Variants in BIN3 observed in about 807,000 individuals in gnomAD.
The protein encoded by BIN3 is bridging integrator 3.
BIN3 carries 41 observed loss-of-function variants against 38.2 expected under a neutral mutation model. The observed-to-expected ratio is 1.07, with a 90% CI of 0.84 to 1.39. The LOEUF is 1.39. Among genes scored for constraint, BIN3 ranks in the 40% most tolerant of loss-of-function variants. BIN3 has a pLI of 0.00. For missense variants in BIN3, 361 were observed against 324.3 expected, an observed-to-expected ratio of 1.11 and a Z score of -0.87; for synonymous variants, 145 against 122.6, an observed-to-expected ratio of 1.18 and a Z score of -1.21.
intron 2 of BIN3, chr8:22,644,485 A>C (rs571315047): frequency 2.3e-6 from 1 of 442,270 alleles, no homozygotes; most frequent in African/African-American, 2.0e-5. Context: ...TTCTAAAGCA[A>C]TATCTTCCTC....
At chr8:22,659,671 A>G (rs953162371) in intron 1 of BIN3, among the ~76,000 whole-genome samples, 1 of 152,170 alleles carries the variant, frequency 6.6e-6, no homozygotes, top group African/African-American at 2.4e-5. Flanking sequence ...AGATCAGGGG[A>G]TGGGCCCTGG....
chr8:22,636,909 G>C lies in BIN3; in HGVS notation c.98+13C>G, dbSNP rs368931221. 5.5e-4 allele frequency: 885 copies of C among 1,611,180 alleles called. No homozygotes were observed. Among genetic ancestry groups the C allele is most frequent in the Non-Finnish European group, 6.9e-4 (807 of 1,177,402 alleles). On this transcript the variant is annotated intron_variant, in intron 3 of 8. Transcript: ENST00000276416. ...CCTGCCTCCCACCTCATCTTTCTGGGGTTGACACTCACTGCTGAAGTTTTC... is the reference window on the plus strand; with the variant it reads ...CCTGCCTCCCACCTCATCTTTCTGGCGTTGACACTCACTGCTGAAGTTTTC...
intron 6 of BIN3, among the ~76,000 whole-genome samples, chr8:22,627,700 C>G (rs1353219558): frequency 7.9e-5 from 12 of 152,226 alleles, no homozygotes; most frequent in Admixed American, 7.8e-4. Flanking sequence ...CCTCCTCTCC[C>G]ACTCCTAGGT....
intron 4 of BIN3, among the ~76,000 whole-genome samples, chr8:22,633,505 C>A (rs1483224722): frequency 6.6e-6 from 1 of 152,194 alleles, no homozygotes; most frequent in Non-Finnish European, 1.5e-5. Context: ...CCTGATGCGG[C>A]CTCTGGAATG....
At chr8:22,656,228 T>TG (rs1480572382) in intron 1 of BIN3, among the ~76,000 whole-genome samples, 4 of 151,520 alleles carry the variant, frequency 2.6e-5, no homozygotes, top group African/African-American at 7.3e-5. Flanking sequence ...TAAGGGTTTT[T>TG]TTTTTTTTTT....
At position 22,669,005 on chromosome 8, in the gene BIN3, C is replaced by T. The variant is rs1209077995; in HGVS notation, c.8+39G>A. The T allele has an allele frequency of 3.2e-6, 5 of 1,564,286 alleles. No homozygotes were observed. The African/African-American group carries it at 4.1e-5, about 13-fold the overall frequency. On this transcript the variant is annotated intron_variant, in intron 1 of 8. Transcript: ENST00000276416. Reference sequence around the variant, plus strand: ...CACAGGGCCAGGGGCCTCGCGGGTCCGCGGGTCCAGCAGCTCCCGCCGCCT... The same window carrying T: ...CACAGGGCCAGGGGCCTCGCGGGTCTGCGGGTCCAGCAGCTCCCGCCGCCT...
intron 2 of BIN3, among the ~76,000 whole-genome samples, chr8:22,643,982 G>A (rs1802641787): frequency 6.6e-6 from 1 of 152,260 alleles, no homozygotes; most frequent in South Asian, 2.1e-4. Flanking sequence ...ACTGCCCAGG[G>A]AAGCATGAGG....
At chr8:22,654,493 C>T (rs1396447705) in intron 1 of BIN3, among the ~76,000 whole-genome samples, 1 of 152,062 alleles carries the variant, frequency 6.6e-6, no homozygotes, top group Non-Finnish European at 1.5e-5. Context: ...GCAAACAACT[C>T]CCCTCCTCCA....
chr8:22,645,833 T>C (rs990249421), intron 1 of BIN3, among the ~76,000 whole-genome samples: 2 of 152,112 alleles, frequency 1.3e-5, no homozygotes, highest in African/African-American at 4.8e-5. Context: ...ACAGAGGCAT[T>C]AGTGATTGGC....
intron 2 of BIN3, among the ~76,000 whole-genome samples, chr8:22,643,300 T>C (rs1383515615): frequency 6.6e-6 from 1 of 151,950 alleles, no homozygotes; most frequent in Non-Finnish European, 1.5e-5. Context: ...GTCAGCACCC[T>C]GCCTCTGCAT....
intron 4 of BIN3, among the ~76,000 whole-genome samples, chr8:22,632,360 AC>A: frequency 6.6e-6 from 1 of 152,116 alleles, no homozygotes; most frequent in Non-Finnish European, 1.5e-5. Flanking sequence ...AGCCCGGAGC[AC>A]CCTCCTGGGG....
Position 22,658,310 on chromosome 8 carries a change from G to GA in BIN3, c.8+10733dup, listed in dbSNP as rs1418879850. ...CTGTGTGTACGGAGGGCAAAGGGGG[G>GA]AAAGATTCTATTTTCTTTCATAATA... On this transcript the variant is annotated intron_variant, in intron 1 of 8. Transcript: ENST00000276416. 3.9e-5 allele frequency among the ~76,000 whole-genome samples: 6 copies of GA among 152,270 alleles called. No individual in the cohort carries two copies. The South Asian group carries it at 1.2e-3, about 32-fold the overall frequency.
At chr8:22,655,363 C>A (rs1249659178) in intron 1 of BIN3, among the ~76,000 whole-genome samples, 7 of 152,172 alleles carry the variant, frequency 4.6e-5, no homozygotes, top group Non-Finnish European at 1.0e-4. Context: ...AATCCAAGGT[C>A]ATGAAGATTT....
intron 1 of BIN3, among the ~76,000 whole-genome samples, chr8:22,655,274 A>C (rs1411664101): frequency 6.6e-6 from 1 of 151,532 alleles, no homozygotes; most frequent in Admixed American, 6.5e-5. Flanking sequence ...GAAAGTTTTA[A>C]ATTTTGATGA....
chr8:22,639,089 C>G (rs1340637912), intron 2 of BIN3, among the ~76,000 whole-genome samples: 1 of 152,228 alleles, frequency 6.6e-6, no homozygotes, highest in Non-Finnish European at 1.5e-5. Context: ...GTGAAGGAGC[C>G]TCGCCAGGGC....
intron 8 of BIN3, among the ~76,000 whole-genome samples, chr8:22,623,279 G>A (rs1324829371): frequency 6.6e-6 from 1 of 152,174 alleles, no homozygotes; most frequent in Non-Finnish European, 1.5e-5. Context: ...AGGAGGGTGA[G>A]GAGCATGCCA....
At chr8:22,665,671 G>T (rs1323506910) in intron 1 of BIN3, among the ~76,000 whole-genome samples, 1 of 152,240 alleles carries the variant, frequency 6.6e-6, no homozygotes, top group African/African-American at 2.4e-5. Context: ...AGCAGGAGAA[G>T]CTTGGAGGAT....
intron 1 of BIN3, among the ~76,000 whole-genome samples, chr8:22,657,946 G>A (rs1193912371): frequency 6.6e-6 from 1 of 152,234 alleles, no homozygotes; most frequent in Non-Finnish European, 1.5e-5. Context: ...CAGTGCTCCA[G>A]GGCAGGAGGC....
chr8:22,650,866 G>C (rs1303640387), intron 1 of BIN3, among the ~76,000 whole-genome samples: 1 of 152,146 alleles, frequency 6.6e-6, no homozygotes, highest in Non-Finnish European at 1.5e-5. Context: ...AGCCACACTT[G>C]CAGCTCTTCT....
Sources: allele counts gnomAD v4.1 joint callset (sites outside exome capture counted in the v4.1 genomes callset), GRCh38; gene constraint gnomAD v4.1.1; transcripts MANE v1.5; gene names NCBI Gene and HGNC (gene_info 2026-07-23, HGNC 2026-07-21).